The following UNC13A variants were observed in gnomAD, a reference collection of about 807,000 sequenced individuals.
UNC13A encodes unc-13 homolog A.
Under a neutral mutation model 219.7 loss-of-function variants are expected in UNC13A, and 61 were observed. The observed-to-expected ratio is 0.28, with a 90% confidence interval of 0.23 to 0.34. The LOEUF (loss-of-function observed/expected upper bound fraction) is 0.34. Among genes scored for constraint, UNC13A ranks in the 10% least tolerant of loss-of-function variants. The pLI is 1.00. For synonymous variants in UNC13A, 920 were observed against 884.6 expected, an observed-to-expected ratio of 1.04 and a Z score of -0.71; for missense variants, 1,476 against 2,270.3, an observed-to-expected ratio of 0.65 and a Z score of 7.11.
chr19:17,687,496 C>G (rs776974548), intron 1 of UNC13A, among the ~76,000 whole-genome samples: 4 of 152,134 alleles, frequency 2.6e-5, no homozygotes, highest in African/African-American at 9.7e-5. Context: ...CTCCAACCCC[C>G]TCACTCGGGA....
chr19:17,635,838 A>G (rs1312406327), intron 26 of UNC13A, among the ~76,000 whole-genome samples, 186 bp downstream of exon 26: 1 of 152,232 alleles, frequency 6.6e-6, no homozygotes, highest in Non-Finnish European at 1.5e-5. Context: ...ACATACACAC[A>G]ATTTTATGTT....
intron 38 of UNC13A, among the ~76,000 whole-genome samples, chr19:17,619,241 T>C (rs1309016385): frequency 1.3e-5 from 2 of 151,816 alleles, no homozygotes; most frequent in Non-Finnish European, 2.9e-5. Context: ...GGGCAGTGGG[T>C]TGGGGGAGCC....
intron 22 of UNC13A, among the ~76,000 whole-genome samples, 177 bp downstream of exon 22, chr19:17,640,334 C>G (rs967465337): frequency 2.0e-5 from 3 of 152,134 alleles, no homozygotes; most frequent in Non-Finnish European, 4.4e-5. Context: ...CCACTGCGCC[C>G]GACCTCCATT....
At chr19:17,625,452 C>CCAT (rs1290130364) in intron 34 of UNC13A, among the ~76,000 whole-genome samples, 1 of 152,054 alleles carries the variant, frequency 6.6e-6, no homozygotes, top group Admixed American at 6.6e-5. Flanking sequence ...CCACCAAGAT[C>CCAT]CATCCACCAA....
At chr19:17,629,217 G>C in intron 31 of UNC13A, 23 bp downstream of exon 31, 1 of 1,588,748 alleles carries the variant, frequency 6.3e-7, no homozygotes, top group Non-Finnish European at 8.6e-7. Context: ...GAGGGAGATA[G>C]GTCAGGGGCC....
chr19:17,608,839 T>G (rs915068796), intron 43 of UNC13A, among the ~76,000 whole-genome samples: 6 of 151,574 alleles, frequency 4.0e-5, no homozygotes, highest in Non-Finnish European at 5.9e-5. Context: ...TTAATAGAGA[T>G]GGAGTTTCAC....
intron 6 of UNC13A, among the ~76,000 whole-genome samples, chr19:17,667,808 A>T (rs2079687934): frequency 8.0e-6 from 1 of 124,742 alleles, no homozygotes. Flanking sequence ...TTTAGTAGAG[A>T]CGGGGTTTCA....
rs57388911 is a variant in UNC13A, at chr19:17,649,887, G to A, written c.1440-300C>T. 1.2e-3 allele frequency among the ~76,000 whole-genome samples: 177 copies of A among 152,272 alleles called. No homozygotes were observed. The highest frequency in any genetic ancestry group is 4.1e-3 in the African/African-American group (170 of 41,542). Reference sequence around the variant, plus strand: ...GAGAAGGTGGCTCTGTGACAGCAGAGGCAGAAAGCGACGTATCTACAAACC... The same window carrying A: ...GAGAAGGTGGCTCTGTGACAGCAGAAGCAGAAAGCGACGTATCTACAAACC... On this transcript the variant is annotated intron_variant, in intron 12 of 43. Coordinates refer to ENST00000519716, the MANE Select transcript of UNC13A (RefSeq NM_001080421.3). The surrounding 1 kb of genome is among the most constrained non-coding windows in gnomAD (Gnocchi z 4.4).
chr19:17,623,532 C>A lies in UNC13A; in HGVS notation c.4203+10G>T. The A allele has an allele frequency of 6.7e-7, 1 of 1,494,732 alleles. No individual in the cohort carries two copies. Among genetic ancestry groups the A allele is most frequent in the Non-Finnish European group, 8.9e-7 (1 of 1,123,914 alleles). The allele number at this position is 1,494,732 out of a possible 1,614,324, so 92.6% of individuals were successfully genotyped here. A position where few individuals can be genotyped will look rare whatever the true frequency, so the allele number is the denominator to read the frequency against. ...CGGACAGACAGACGGACAGACGGGA[C>A]TCTACTTACGATCATCTGTCATCCG... is the stretch of plus-strand genomic sequence containing the variant. On this transcript the variant is annotated intron_variant, in intron 36 of 43. Coordinates refer to ENST00000519716, the MANE Select transcript of UNC13A (RefSeq NM_001080421.3).
chr19:17,656,659 C>G (rs1405246973), intron 9 of UNC13A, among the ~76,000 whole-genome samples: 1 of 152,104 alleles, frequency 6.6e-6, no homozygotes, highest in Non-Finnish European at 1.5e-5. Context: ...CAAGACCAGC[C>G]TGGCCAACAT....
chr19:17,623,308 G>A (rs1326715465), intron 36 of UNC13A: 1 of 478,514 alleles, frequency 2.1e-6, no homozygotes, highest in Non-Finnish European at 3.7e-6. Flanking sequence ...TGGGTAGTGG[G>A]GCTCCTCTGG....
In UNC13A at chr19:17,649,629, T is replaced by C. The variant is rs556450553; in HGVS notation, c.1440-42A>G. Reference sequence around the variant, plus strand: ...GACACTGAGGGCCCAGATGTCCCTATTCCTCACATAGAGCCCTGGGGAGAA... The same window carrying C: ...GACACTGAGGGCCCAGATGTCCCTACTCCTCACATAGAGCCCTGGGGAGAA... On this transcript the variant is annotated intron_variant, in intron 12 of 43. Transcript: ENST00000519716. The surrounding 1 kb of genome is among the most constrained non-coding windows in gnomAD (Gnocchi z 4.4). 2 of 1,607,982 alleles carry C rather than the reference T, an allele frequency of 1.2e-6. No individual in the cohort carries two copies. The highest frequency in any genetic ancestry group is 2.7e-5 in the African/African-American group (2 of 74,864).
Position 17,658,111 on chromosome 19 carries a change from T to C in UNC13A, c.718A>G (p.Ser240Gly), listed in dbSNP as rs1272167523. ...PPPLGSRESY[S>G]DSMHSYEEFS... ...TCCTCGTAACTGTGCATGGAGTCACTGTAGGACTCCCGGGAGCCCAGGGGT... is the reference window on the plus strand; with the variant it reads ...TCCTCGTAACTGTGCATGGAGTCACCGTAGGACTCCCGGGAGCCCAGGGGT... The change falls in exon 9 of 44, where the codon AGT becomes GGT. Residue 240 changes from serine to glycine, a missense_variant. Ser to Gly is a moderately conservative substitution (Grantham distance 56). Around this residue, in one of 14 missense-constraint regions of UNC13A, gnomAD observed 351 missense variants for 342.6 expected, o/e 1.02. Transcript: ENST00000519716. The C allele has an allele frequency of 6.2e-7, 1 of 1,613,606 alleles. No homozygotes were observed. The highest frequency in any genetic ancestry group is 1.3e-5 in the African/African-American group (1 of 74,854).
intron 30 of UNC13A, 55 bp downstream of exon 30, chr19:17,630,090 A>G: frequency 6.5e-7 from 1 of 1,529,842 alleles, no homozygotes; most frequent in African/African-American, 1.4e-5. Flanking sequence ...CTCAGACTTC[A>G]ATTCCCTAAC....
At chr19:17,641,685 T>TTTTTTTTTTTTTTTTTGAG in intron 20 of UNC13A, 129 bp from the exon 21 acceptor site, 3 of 981,180 alleles carry the variant, frequency 3.1e-6, no homozygotes, top group Non-Finnish European at 4.4e-6. Flanking sequence ...TCTACTCTTT[T>TTTTTTTTTTTTTTTTTGAG]ATCCATCCAC....
chr19:17,611,034 T>C (rs2076598118), intron 42 of UNC13A, among the ~76,000 whole-genome samples: 1 of 152,012 alleles, frequency 6.6e-6, no homozygotes, highest in Non-Finnish European at 1.5e-5. Flanking sequence ...CTCTGGCCTC[T>C]AAAACAAACA....
chr19:17,653,387 G>C (rs895104357), intron 11 of UNC13A, among the ~76,000 whole-genome samples: 1 of 151,422 alleles, frequency 6.6e-6, no homozygotes, highest in African/African-American at 2.4e-5. Flanking sequence ...CCCTTTTGTT[G>C]CCCAGGCTGG....
intron 1 of UNC13A, among the ~76,000 whole-genome samples, chr19:17,680,894 T>C (rs537088215): frequency 6.3e-4 from 60 of 94,820 alleles, no homozygotes; most frequent in Middle Eastern, 9.3e-3. Flanking sequence ...CTTTTCTTTT[T>C]TTTTTTTTTT....
At chr19:17,626,013 C>G (rs1172956429) in intron 34 of UNC13A, among the ~76,000 whole-genome samples, 1 of 150,804 alleles carries the variant, frequency 6.6e-6, no homozygotes, top group Admixed American at 6.6e-5. Flanking sequence ...ATTCATTCAT[C>G]CAAATATTTA....
Sources: gnomAD v4.1 joint callset for allele counts (sites outside exome capture counted in the v4.1 genomes callset) on GRCh38, gnomAD v4.1.1 for gene constraint, gnomAD v4.1.1 regional missense constraint, Gnocchi (gnomAD v3.1) non-coding constraint, MANE v1.5 for transcripts, NCBI Gene and HGNC (gene_info 2026-07-23, HGNC 2026-07-21) for gene names.